Variants in PPP1R12C observed in about 807,000 individuals in gnomAD.
The protein encoded by PPP1R12C is protein phosphatase 1 regulatory subunit 12C.
A neutral mutation model predicts 95.6 loss-of-function variants in PPP1R12C; 48 were observed. The observed-to-expected ratio is 0.50, with a 90% CI of 0.40 to 0.64. The LOEUF (loss-of-function observed/expected upper bound fraction) is 0.64, where lower values mean the gene tolerates loss of function less well. PPP1R12C is among the 30% of genes least tolerant of loss of function. The probability of loss-of-function intolerance (pLI) is 0.00; values close to 1 mark genes in which losing one functional copy is unlikely to be tolerated. For synonymous variants in PPP1R12C, 480 were observed against 460.8 expected (o/e 1.04, Z -0.53); for missense variants, 1,057 against 1,083.3 (o/e 0.98, Z 0.34).
At chr19:55,113,230 C>T in intron 1 of PPP1R12C, 1 of 542,776 alleles carries the variant, frequency 1.8e-6, no homozygotes, top group Non-Finnish European at 3.1e-6. Context: ...TTAAACCCAG[C>T]CAGGTCCTTC....
chr19:55,099,220 T>C (rs1051133788), intron 4 of PPP1R12C, 125 bp from the exon 5 acceptor site: 1 of 1,170,202 alleles, frequency 8.5e-7, no homozygotes, highest in Non-Finnish European at 1.2e-6. Flanking sequence ...GACAGGCTGG[T>C]AAAGAGCCAC....
chr19:55,117,529 A>G lies in PPP1R12C; in HGVS notation c.15T>C (p.Asp5=). Residue 5 remains aspartate (D), a synonymous_variant, in exon 1 of 22, where the codon GAT becomes GAC. Transcript: ENST00000263433. MSGE[D]GPAAGPGAAA... is the part of the protein sequence containing the mutation. ...CCGCCCCCGGGCCAGCCGCCGGGCCATCCTCTCCGGACATCGCACCGCCCG... is the reference window on the plus strand; with the variant it reads ...CCGCCCCCGGGCCAGCCGCCGGGCCGTCCTCTCCGGACATCGCACCGCCCG... The G allele has an allele frequency of 2.0e-6, 2 of 1,019,128 alleles. No homozygotes were observed. The highest frequency in any genetic ancestry group is 2.3e-6 in the Non-Finnish European group (2 of 854,122). 63.1% of individuals were successfully genotyped at this position (1,019,128 alleles called of 1,614,324 possible). A position where few individuals can be genotyped will look rare whatever the true frequency, so the allele number is the denominator to read the frequency against.
chr19:55,105,177 T>TTG (rs2085024637), intron 3 of PPP1R12C, among the ~76,000 whole-genome samples: 1 of 151,938 alleles, frequency 6.6e-6, no homozygotes, highest in Admixed American at 6.6e-5. Flanking sequence ...GGGATCCTCC[T>TTG]GCCTTGGCCT....
rs775732875 is a variant in PPP1R12C at position 55,094,757 on chromosome 19, G to A, written c.1496C>T (p.Ser499Leu). ...TKPPPCLENSSPPSRIPEPES... is the reference protein window; with the variant it reads ...TKPPPCLENSLPPSRIPEPES... ...AGGCTCCGGAATCCTGGAGGGAGGCGAGGAGTTCTCCAAGCAAGGAGGAGG... is the reference window on the plus strand; with the variant it reads ...AGGCTCCGGAATCCTGGAGGGAGGCAAGGAGTTCTCCAAGCAAGGAGGAGG... The change falls in exon 12 of 22, where the codon TCG becomes TTG. Residue 499 changes from serine (S) to leucine (L), a missense_variant. By Grantham distance (145) the Ser-to-Leu change is moderately radical. Transcript: ENST00000263433. 4 of 1,606,918 alleles carry A rather than the reference G, an allele frequency of 2.5e-6. No individual in the cohort carries two copies. Among genetic ancestry groups the A allele is most frequent in the East Asian group, 2.2e-5 (1 of 44,680 alleles).
rs771805284 is a variant in PPP1R12C at position 55,094,667 on chromosome 19, C to G, written c.1586G>C (p.Arg529Pro). ...CCTGCCCTGGCCTCTTCACCTCCGT[C>G]GGTCCCGGGAGTCCGCTGGGGGCGC... ...STAPPADSRD[R>P]RRSYQMPVRD... The change falls in exon 12 of 22, where the codon CGA becomes CCA. Residue 529 changes from arginine to proline, a missense_variant. Arg to Pro is a moderately radical substitution (Grantham distance 103). Transcript: ENST00000263433. The G allele has an allele frequency of 1.9e-6, 3 of 1,591,002 alleles. No individual in the cohort carries two copies. Among genetic ancestry groups the G allele is most frequent in the South Asian group, 1.1e-5 (1 of 87,894 alleles).
intron 4 of PPP1R12C, among the ~76,000 whole-genome samples, chr19:55,101,516 G>A (rs991212512): frequency 4.6e-5 from 7 of 152,206 alleles, no homozygotes; most frequent in Non-Finnish European, 1.0e-4. Flanking sequence ...TGGGATGCTG[G>A]CGTTAAGTGG....
chr19:55,103,378 C>T, intron 4 of PPP1R12C, 31 bp downstream of exon 4: 5 of 1,430,526 alleles, frequency 3.5e-6, no homozygotes, highest in Non-Finnish European at 4.6e-6. Flanking sequence ...AGGTATAAGA[C>T]AGCAAGATGG....
At chr19:55,097,766 C>CA (rs1439698047) in intron 6 of PPP1R12C, among the ~76,000 whole-genome samples, 1 of 152,200 alleles carries the variant, frequency 6.6e-6, no homozygotes, top group African/African-American at 2.4e-5. Context: ...CTGTAGTACT[C>CA]ACGTCTTCCA....
Position 55,117,600 on chromosome 19 carries a change from ACCCGCCCG to A in PPP1R12C, c.-65_-58del, listed in dbSNP as rs567100009. The A allele has an allele frequency of 1.4e-4, 122 of 879,486 alleles. 1 individual carries two copies. The South Asian group carries it at 1.6e-3, about 11-fold the overall frequency. The allele number at this position is 879,486 out of a possible 1,614,324, so 54.5% of individuals were successfully genotyped here. On this transcript the variant is annotated 5_prime_UTR_variant, in exon 1 of 22. Coordinates refer to ENST00000263433, the MANE Select transcript of PPP1R12C (RefSeq NM_017607.4). ...GCGCCGAGCCCCAACCGCCGCCACC[ACCCGCCCG>A]CCCGCCCGCCCCGGGGGCCGCCGGG...
In PPP1R12C at chr19:55,112,584, A is replaced by G. The variant is rs1320368857; in HGVS notation, c.454T>C (p.Tyr152His). The stretch of plus-strand genomic sequence containing the variant: ...ATGTTGGCCCCGTGGCTCAGGAGGT[A>G]CCTGGGGGTGGGGGCTGGTCAGGGC... The part of the protein sequence containing the change: ...ASCGYLDIAR[Y>H]LLSHGANIAA... Residue 152 changes from tyrosine to histidine, a missense_variant and splice_region_variant, in exon 3 of 22, where the codon TAC (tyrosine) becomes CAC (histidine). Around this residue, in one of 5 missense-constraint regions of PPP1R12C, gnomAD observed 282 missense variants for 380.4 expected, o/e 0.74. Coordinates refer to ENST00000263433, the MANE Select transcript of PPP1R12C (RefSeq NM_017607.4). 2 of 1,613,094 alleles carry G rather than the reference A, an allele frequency of 1.2e-6. No individual in the cohort carries two copies. The highest frequency in any genetic ancestry group is 1.7e-5 in the Admixed American group (1 of 59,974).
chr19:55,113,734 G>T, intron 1 of PPP1R12C: 1 of 546,240 alleles, frequency 1.8e-6, no homozygotes, highest in Non-Finnish European at 2.7e-6. Context: ...ATGAGGTCAT[G>T]GAAACTCGGG....
Position 55,106,103 on chromosome 19 carries a change from A to C in PPP1R12C, c.572-2535T>G, listed in dbSNP as rs189045832. Reference sequence around the variant, plus strand: ...CATTCATTCACACACCATCCCTAGCAGTCTCCCGCTCCACAGCACTAGTGG... The same window carrying C: ...CATTCATTCACACACCATCCCTAGCCGTCTCCCGCTCCACAGCACTAGTGG... On this transcript the variant is annotated intron_variant, in intron 3 of 21. Coordinates refer to ENST00000263433, the MANE Select transcript of PPP1R12C (RefSeq NM_017607.4). Among the ~76,000 whole-genome samples, 138 of 152,260 alleles carry C rather than the reference A, an allele frequency of 9.1e-4. 2 individuals are homozygous for C. Among genetic ancestry groups the C allele is most frequent in the Non-Finnish European group, 3.1e-4 (21 of 68,020 alleles).
intron 6 of PPP1R12C, 25 bp from the exon 7 acceptor site, chr19:55,096,360 G>T: frequency 2.4e-5 from 38 of 1,610,654 alleles, no homozygotes; most frequent in Non-Finnish European, 3.2e-5. Flanking sequence ...GGGGGCTGCA[G>T]GGGAGGGGTG....
At chr19:55,113,424 A>G (rs1456738454) in intron 1 of PPP1R12C, 1 of 1,501,488 alleles carries the variant, frequency 6.7e-7, no homozygotes, top group Non-Finnish European at 8.9e-7. Context: ...GTCACACTCC[A>G]GTTCACTGAG....
chr19:55,114,882 G>GGGGGATGCAGGGGAAC (rs560405385), intron 1 of PPP1R12C: 5 of 152,168 alleles, frequency 3.3e-5, no homozygotes, highest in South Asian at 2.1e-4. Flanking sequence ...TGCAGGGGAA[G>GGGGGATGCAGGGGAAC]GGGGATGCAG....
At chr19:55,114,511 G>GGC (rs1489872679) in intron 1 of PPP1R12C, 8 of 152,418 alleles carry the variant, frequency 5.2e-5, no homozygotes, top group African/African-American at 1.9e-4. Context: ...AAACTGGCCG[G>GGC]GAATCAAGAG....
intron 6 of PPP1R12C, among the ~76,000 whole-genome samples, chr19:55,097,436 C>G (rs1366857112): frequency 4.2e-5 from 6 of 142,096 alleles, no homozygotes; most frequent in Admixed American, 7.0e-5. Context: ...TCACCACCGT[C>G]TTCGCCCCTT....
At chr19:55,094,553 G>C in intron 12 of PPP1R12C, 108 bp downstream of exon 12, 2 of 1,556,294 alleles carry the variant, frequency 1.3e-6, no homozygotes, top group Non-Finnish European at 1.7e-6. Flanking sequence ...CAGCAGACCT[G>C]AGGCCAGCTC....
At chr19:55,111,787 A>G (rs2085098596) in intron 3 of PPP1R12C, 3 of 151,890 alleles carry the variant, frequency 2.0e-5, no homozygotes, top group Non-Finnish European at 4.4e-5. Flanking sequence ...CAACCACCCC[A>G]TGAAGCGGCA....
Sources: gnomAD v4.1 joint callset for allele counts (sites outside exome capture counted in the v4.1 genomes callset) on GRCh38, gnomAD v4.1.1 for gene constraint, gnomAD v4.1.1 regional missense constraint, MANE v1.5 for transcripts, NCBI Gene and HGNC (gene_info 2026-07-23, HGNC 2026-07-21) for gene names.